IQGAP1: variants seen among roughly 807,000 people sequenced by gnomAD.
IQGAP1 encodes the protein IQ motif containing GTPase activating protein 1.
In IQGAP1, 66 loss-of-function variants were observed where a neutral mutation model predicts 215.6. That is an observed-to-expected ratio of 0.31 (90% CI 0.25 to 0.38). IQGAP1 has a LOEUF of 0.38. IQGAP1 is among the 10% of genes least tolerant of loss of function. The pLI is 1.00. For missense variants in IQGAP1, 1,712 were observed against 1,997.1 expected (o/e 0.86, Z 2.72); for synonymous variants, 772 against 728.7 (o/e 1.06, Z -0.96).
rs113814502 is a variant in IQGAP1, at chr15:90,396,022, G to A, written c.155+5149G>A. Among the ~76,000 whole-genome samples, 266 of 152,274 alleles carry A rather than the reference G, an allele frequency of 1.7e-3. 2 individuals carry two copies. The highest frequency in any genetic ancestry group is 3.3e-3 in the Non-Finnish European group (227 of 68,024). ...CTCTTGTAGAAGGGAAGGTAGGAAC[G>A]CTGGCTGGTTGGAGACTGTCAGCAA... On this transcript the variant is annotated intron_variant, in intron 2 of 37. Coordinates refer to ENST00000268182, the MANE Select transcript of IQGAP1 (RefSeq NM_003870.4).
Position 90,452,922 on chromosome 15 carries a change from A to G in IQGAP1, c.1310A>G (p.Gln437Arg). ...DLYQKELATL[Q>R]RQSPEHNLTH... is the part of the protein sequence containing the mutation. ...TATCAGAAGGAGCTGGCTACCCTGCAGCGACAAAGTCCTGAAGTGAGTTCA... is the reference window on the plus strand; with the variant it reads ...TATCAGAAGGAGCTGGCTACCCTGCGGCGACAAAGTCCTGAAGTGAGTTCA... Residue 437 changes from glutamine to arginine, a missense_variant, in exon 12 of 38, where the codon CAG becomes CGG. Transcript: ENST00000268182. 2.5e-6 allele frequency: 4 copies of G among 1,614,006 alleles called. No individual in the cohort carries two copies. Among genetic ancestry groups the G allele is most frequent in the Non-Finnish European group, 3.4e-6 (4 of 1,179,982 alleles).
intron 4 of IQGAP1, among the ~76,000 whole-genome samples, chr15:90,432,913 T>C (rs1965322151): frequency 6.6e-6 from 1 of 152,200 alleles, no homozygotes; most frequent in Admixed American, 6.5e-5. Context: ...TTCAAGGCTA[T>C]TCCCAGTCTA....
At chr15:90,432,689 C>T (rs547210659) in intron 4 of IQGAP1, among the ~76,000 whole-genome samples, 2 of 152,142 alleles carry the variant, frequency 1.3e-5, no homozygotes, top group African/African-American at 4.8e-5. Context: ...CTGGCTATTT[C>T]TCTTATTTGG....
chr15:90,452,661 A>T lies in IQGAP1; in HGVS notation c.1163-114A>T, dbSNP rs1053817316. 4.0e-6 allele frequency: 5 copies of T among 1,252,100 alleles called. No individual in the cohort carries two copies. In the African/African-American group the frequency reaches 7.5e-5, roughly 19 times the overall value. The allele number at this position is 1,252,100 out of a possible 1,614,324, so 77.6% of individuals were successfully genotyped here. A position where few individuals can be genotyped will look rare whatever the true frequency, so the allele number is the denominator to read the frequency against. Reference sequence around the variant, plus strand: ...TTTTTAAAGACGAAAGTTCCACTTCAAACTTCATGGCTGATAGCCACAGAA... The same window carrying T: ...TTTTTAAAGACGAAAGTTCCACTTCTAACTTCATGGCTGATAGCCACAGAA... On this transcript the variant is annotated intron_variant, in intron 11 of 37. Transcript: ENST00000268182.
At chr15:90,422,853 G>A (rs922979227) in intron 2 of IQGAP1, among the ~76,000 whole-genome samples, 2 of 151,518 alleles carry the variant, frequency 1.3e-5, no homozygotes, top group African/African-American at 2.4e-5. Context: ...GTGCCACCAC[G>A]CCTGGCTAAT....
chr15:90,474,002 C>G (rs1965943202), intron 21 of IQGAP1, 35 bp downstream of exon 21: 1 of 1,608,596 alleles, frequency 6.2e-7, no homozygotes, highest in East Asian at 2.2e-5. Context: ...CCATTAGGGG[C>G]AATTTTGCCA....
chr15:90,465,535 C>T (rs143116900), intron 15 of IQGAP1, among the ~76,000 whole-genome samples: 136 of 152,178 alleles, frequency 8.9e-4, no homozygotes, highest in African/African-American at 3.1e-3. Flanking sequence ...TTTTGGAGAC[C>T]GGTCTATACT....
chr15:90,469,488 A>G (rs1169744906), intron 18 of IQGAP1, among the ~76,000 whole-genome samples: 3 of 152,216 alleles, frequency 2.0e-5, no homozygotes, highest in East Asian at 1.9e-4. Context: ...TTCATTGCTA[A>G]TGATTTCACA....
chr15:90,453,211 C>T lies in IQGAP1; in HGVS notation c.1406C>T (p.Ser469Leu). Residue 469 changes from serine to leucine, a missense_variant, in exon 13 of 38, where the codon TCA becomes TTA. Around this residue, in one of 2 missense-constraint regions of IQGAP1, gnomAD observed 1,021 missense variants for 1,074.2 expected, o/e 0.95. Transcript: ENST00000268182. ...SVALINRALE[S>L]GDVNTVWKQL... ...GCCCTGATCAACAGGGCATTGGAATCAGGAGATGTGAATACAGTGTGGAAG... is the reference window on the plus strand; with the variant it reads ...GCCCTGATCAACAGGGCATTGGAATTAGGAGATGTGAATACAGTGTGGAAG... The T allele has an allele frequency of 6.2e-7, 1 of 1,613,950 alleles. No homozygotes were observed.
At chr15:90,438,336 A>G (rs1173870207) in intron 5 of IQGAP1, among the ~76,000 whole-genome samples, 1 of 152,156 alleles carries the variant, frequency 6.6e-6, no homozygotes, top group East Asian at 1.9e-4. Context: ...ATGGACATTA[A>G]TTTATCCGTC....
intron 2 of IQGAP1, among the ~76,000 whole-genome samples, chr15:90,411,951 G>GT (rs565947564): frequency 6.6e-6 from 1 of 151,942 alleles, no homozygotes; most frequent in Non-Finnish European, 1.5e-5. Flanking sequence ...AAATCCACCT[G>GT]TTTTTTTAAT....
At chr15:90,492,873 C>T (rs1198097911) in intron 35 of IQGAP1, among the ~76,000 whole-genome samples, 162 bp downstream of exon 35, 1 of 152,122 alleles carries the variant, frequency 6.6e-6, no homozygotes, top group African/African-American at 2.4e-5. Flanking sequence ...TTGCCTAATT[C>T]CATTTGTAAG....
chr15:90,394,876 C>T (rs529127631), intron 2 of IQGAP1, among the ~76,000 whole-genome samples: 2 of 152,288 alleles, frequency 1.3e-5, no homozygotes, highest in East Asian at 1.9e-4. Context: ...TTCTCCTCTG[C>T]CTGTAACAGA....
At position 90,500,114 on chromosome 15, in the gene IQGAP1, C is replaced by G. The variant is rs144921710; in HGVS notation, c.*6C>G. 2.2e-5 allele frequency: 32 copies of G among 1,474,420 alleles called. No homozygotes were observed. The African/African-American group carries it at 3.0e-4, about 14-fold the overall frequency. 91.3% of individuals were successfully genotyped at this position (1,474,420 alleles called of 1,614,324 possible). On this transcript the variant is annotated 3_prime_UTR_variant, in exon 38 of 38. Coordinates refer to ENST00000268182, the MANE Select transcript of IQGAP1 (RefSeq NM_003870.4). ...AAAAGTTCTACGGGAAGTAATTGAT[C>G]GTTTGCTGCCAGCCCAGAAGGATGA... is the stretch of plus-strand genomic sequence containing the variant.
Position 90,415,744 on chromosome 15 carries a change from T to G in IQGAP1, c.156-10366T>G, listed in dbSNP as rs933547085. On this transcript the variant is annotated intron_variant, in intron 2 of 37. Coordinates refer to ENST00000268182, the MANE Select transcript of IQGAP1 (RefSeq NM_003870.4). ...TTGTTAATCATTCTCTTTCCACCAT[T>G]GTCCCAGTTAAAGACTGTATTACCA... Among the ~76,000 whole-genome samples, 9 of 152,200 alleles carry G rather than the reference T, an allele frequency of 5.9e-5. No homozygotes were observed. In the South Asian group the frequency reaches 6.2e-4, roughly 11 times the overall value.
intron 2 of IQGAP1, chr15:90,391,132 G>C: frequency 3.2e-6 from 1 of 309,922 alleles, no homozygotes; most frequent in Non-Finnish European, 6.3e-6. Context: ...TAGCTACTCG[G>C]GAGCCTGAGG....
At chr15:90,398,531 C>T (rs574517806) in intron 2 of IQGAP1, among the ~76,000 whole-genome samples, 4 of 152,226 alleles carry the variant, frequency 2.6e-5, no homozygotes, top group African/African-American at 9.6e-5. Context: ...TAAGTTACTA[C>T]ACAGATGTTC....
intron 5 of IQGAP1, among the ~76,000 whole-genome samples, chr15:90,434,426 G>A (rs534963701): frequency 1.1e-4 from 16 of 151,464 alleles, no homozygotes; most frequent in Non-Finnish European, 1.6e-4. Flanking sequence ...CAACAAGAAC[G>A]AAACTCCATC....
intron 37 of IQGAP1, among the ~76,000 whole-genome samples, chr15:90,498,194 T>G (rs1966297492): frequency 6.6e-6 from 1 of 152,274 alleles, no homozygotes; most frequent in African/African-American, 2.4e-5. Context: ...GGTGTTGACT[T>G]ACTTCCCCTC....
Sources: gnomAD v4.1 joint callset for allele counts (sites outside exome capture counted in the v4.1 genomes callset) on GRCh38, gnomAD v4.1.1 for gene constraint, gnomAD v4.1.1 regional missense constraint, MANE v1.5 for transcripts, NCBI Gene and HGNC (gene_info 2026-07-23, HGNC 2026-07-21) for gene names.